GNA14: variants seen among roughly 807,000 people sequenced by gnomAD.
The protein encoded by GNA14 is guanine nucleotide-binding protein subunit alpha-14.
A neutral mutation model predicts 42.0 loss-of-function variants in GNA14; 50 were observed. The ratio of observed to expected loss-of-function variants is 1.19; its 90% CI spans 0.95 to 1.51. The LOEUF (loss-of-function observed/expected upper bound fraction) is 1.51. Among genes scored for constraint, GNA14 ranks in the 40% most tolerant of loss-of-function variants. The pLI is 0.00. For synonymous variants in GNA14, 173 were observed against 163.1 expected (o/e 1.06, Z -0.46); for missense variants, 473 against 446.2 (o/e 1.06, Z -0.54).
At chr9:77,603,136 G>A (rs1823594250) in intron 1 of GNA14, among the ~76,000 whole-genome samples, 1 of 152,116 alleles carries the variant, frequency 6.6e-6, no homozygotes, top group Non-Finnish European at 1.5e-5. Context: ...CTGCTGCATG[G>A]GTGTACTCAT....
chr9:77,639,138 G>A (rs542491918), intron 1 of GNA14, among the ~76,000 whole-genome samples: 4 of 152,220 alleles, frequency 2.6e-5, no homozygotes, highest in Admixed American at 2.6e-4. Context: ...GTAGATCTTT[G>A]TAATTTGGCG....
chr9:77,519,397 C>T (rs188109518), intron 2 of GNA14, among the ~76,000 whole-genome samples: 1,520 of 151,850 alleles, frequency 0.01, 13 homozygotes, highest in African/African-American at 0.026. Context: ...GGTGACACGG[C>T]GAGACTCTGC....
chr9:77,489,562 C>G (rs953660141), intron 2 of GNA14, among the ~76,000 whole-genome samples: 4 of 152,172 alleles, frequency 2.6e-5, no homozygotes, highest in Non-Finnish European at 4.4e-5. Flanking sequence ...CGCGGACCCT[C>G]GTGGTGAGTG....
chr9:77,576,886 A>C (rs1305439272), intron 1 of GNA14, among the ~76,000 whole-genome samples: 1 of 152,208 alleles, frequency 6.6e-6, no homozygotes, highest in Non-Finnish European at 1.5e-5. Context: ...ACATTATGAA[A>C]ATATGAGCCT....
chr9:77,504,441 A>G (rs1303997938), intron 2 of GNA14, among the ~76,000 whole-genome samples: 3 of 152,020 alleles, frequency 2.0e-5, no homozygotes, highest in African/African-American at 4.8e-5. Flanking sequence ...TGTTTGAAGA[A>G]GGAAAAGCTC....
chr9:77,523,483 A>G (rs1028124079), intron 2 of GNA14, among the ~76,000 whole-genome samples: 1 of 152,156 alleles, frequency 6.6e-6, no homozygotes, highest in Non-Finnish European at 1.5e-5. Context: ...CATTCATGAG[A>G]AACCACCCTC....
intron 1 of GNA14, among the ~76,000 whole-genome samples, chr9:77,609,686 T>A (rs1330202652): frequency 2.0e-5 from 3 of 152,152 alleles, no homozygotes; most frequent in African/African-American, 7.2e-5. Context: ...AGAAAACACA[T>A]CCTGATTTTT....
intron 2 of GNA14, among the ~76,000 whole-genome samples, chr9:77,510,030 T>G (rs1209749712): frequency 6.6e-6 from 1 of 152,216 alleles, no homozygotes; most frequent in South Asian, 2.1e-4. Context: ...TTTTAGTATA[T>G]TCACAGGGCT....
At chr9:77,497,086 T>C (rs1836883183) in intron 2 of GNA14, among the ~76,000 whole-genome samples, 1 of 152,080 alleles carries the variant, frequency 6.6e-6, no homozygotes, top group African/African-American at 2.4e-5. Flanking sequence ...TACTTCTCAC[T>C]CCCCTCCACG....
chr9:77,545,797 C>T (rs1427823242), intron 1 of GNA14, among the ~76,000 whole-genome samples: 2 of 152,168 alleles, frequency 1.3e-5, no homozygotes, highest in Non-Finnish European at 2.9e-5. Flanking sequence ...TATATCTTTA[C>T]ATACCATTAT....
intron 2 of GNA14, among the ~76,000 whole-genome samples, chr9:77,484,464 T>C (rs1836620697): frequency 2.0e-5 from 3 of 150,916 alleles, no homozygotes; most frequent in Admixed American, 2.0e-4. Context: ...CAAATTGTTA[T>C]ATAACAATGT....
At chr9:77,452,769 G>A (rs1320658608) in intron 2 of GNA14, among the ~76,000 whole-genome samples, 1 of 151,240 alleles carries the variant, frequency 6.6e-6, no homozygotes, top group East Asian at 2.0e-4. Context: ...GAGGTATTAA[G>A]GAGTGGGGCT....
intron 2 of GNA14, among the ~76,000 whole-genome samples, chr9:77,471,917 A>T (rs1490332653): frequency 6.6e-6 from 1 of 152,202 alleles, no homozygotes; most frequent in Non-Finnish European, 1.5e-5. Flanking sequence ...AAAAGATAAA[A>T]TATGTATTAA....
At chr9:77,530,360 C>T (rs1564044946) in intron 1 of GNA14, among the ~76,000 whole-genome samples, 3 of 152,182 alleles carry the variant, frequency 2.0e-5, no homozygotes, top group Non-Finnish European at 2.9e-5. Context: ...TCCCCCTTTA[C>T]CTTCCACCAT....
intron 2 of GNA14, among the ~76,000 whole-genome samples, chr9:77,508,302 A>G (rs778446289): frequency 6.6e-6 from 1 of 152,214 alleles, no homozygotes; most frequent in African/African-American, 2.4e-5. Context: ...TTGGTATGAT[A>G]TATCACACGA....
chr9:77,580,521 T>C, intron 1 of GNA14: 1 of 443,632 alleles, frequency 2.3e-6, no homozygotes, highest in East Asian at 5.3e-5. Context: ...TTAAGGTAGA[T>C]GAAGACCCCA....
chr9:77,502,938 T>C (rs73651514), intron 2 of GNA14, among the ~76,000 whole-genome samples: 2,584 of 152,264 alleles, frequency 0.017, 71 homozygotes, highest in African/African-American at 0.059. Flanking sequence ...TGTTGGAGCT[T>C]TTTTGTCTGT....
At chr9:77,467,647 CTCCTT>C (rs1836260136) in intron 2 of GNA14, among the ~76,000 whole-genome samples, 1 of 97,002 alleles carries the variant, frequency 1.0e-5, no homozygotes, top group Non-Finnish European at 1.9e-5. Context: ...CTGCGGAGCT[CTCCTT>C]TTTTTTTTTT....
At chr9:77,563,358 A>G (rs1564054504) in intron 1 of GNA14, among the ~76,000 whole-genome samples, 1 of 152,350 alleles carries the variant, frequency 6.6e-6, no homozygotes. Flanking sequence ...GGACAAATGA[A>G]TGAAGCATTC....
Sources: allele counts gnomAD v4.1 joint callset (sites outside exome capture counted in the v4.1 genomes callset), GRCh38; gene constraint gnomAD v4.1.1; transcripts MANE v1.5; gene names NCBI Gene and HGNC (gene_info 2026-07-23, HGNC 2026-07-21).